Variants in RBBP8 observed in about 807,000 individuals in gnomAD.
The protein encoded by RBBP8 is DNA endonuclease RBBP8.
RBBP8 carries 88 observed loss-of-function variants against 108.3 expected under a neutral mutation model. The ratio of observed to expected loss-of-function variants is 0.81; its 90% confidence interval spans 0.68 to 0.97. RBBP8 has a LOEUF of 0.97. Ranked by LOEUF, RBBP8 falls within the 50% of genes least tolerant of loss-of-function variation. RBBP8 has a pLI of 0.00. For missense variants in RBBP8, 1,023 were observed against 1,049.0 expected, an observed-to-expected ratio of 0.98 and a Z score of 0.34; for synonymous variants, 332 against 348.2, an observed-to-expected ratio of 0.95 and a Z score of 0.52.
At chr18:22,961,295 G>C (rs773227667) in intron 4 of RBBP8, among the ~76,000 whole-genome samples, 1 of 152,214 alleles carries the variant, frequency 6.6e-6, no homozygotes, top group Non-Finnish European at 1.5e-5. Flanking sequence ...CCAAGCATGA[G>C]TGGAAGAGCT....
At chr18:22,970,945 T>G (rs1442615509) in intron 5 of RBBP8, among the ~76,000 whole-genome samples, 4 of 152,162 alleles carry the variant, frequency 2.6e-5, no homozygotes, top group Non-Finnish European at 5.9e-5. Flanking sequence ...ACACGTAAAT[T>G]TGCATATTTA....
rs1436188578 is a variant in RBBP8 at position 22,993,337 on chromosome 18, G to A, written c.1510G>A (p.Glu504Lys). The A allele has an allele frequency of 1.2e-6, 2 of 1,614,092 alleles. No homozygotes were observed. Among genetic ancestry groups the A allele is most frequent in the African/African-American group, 1.3e-5 (1 of 74,932 alleles). ...TCGATTTTCAGCTATTCAGCGTCAA[G>A]AGAAAAGCCAAGGAAGTGAGACTTC... ...SDRFSAIQRQ[E>K]KSQGSETSKN... Residue 504 changes from glutamate (E) to lysine (K), a missense_variant, in exon 11 of 19, where the codon GAG (glutamate) becomes AAG (lysine). By Grantham distance (56) the Glu-to-Lys change is moderately conservative. Coordinates refer to ENST00000327155, the MANE Select transcript of RBBP8 (RefSeq NM_002894.3).
intron 4 of RBBP8, among the ~76,000 whole-genome samples, chr18:22,954,352 A>G (rs1419016670): frequency 6.6e-6 from 1 of 152,228 alleles, no homozygotes; most frequent in Non-Finnish European, 1.5e-5. Context: ...CACCCATTCC[A>G]AATGGGAGAA....
chr18:23,007,777 A>G (rs1016213425), intron 16 of RBBP8, among the ~76,000 whole-genome samples: 6 of 150,708 alleles, frequency 4.0e-5, no homozygotes, highest in African/African-American at 1.5e-4. Context: ...GGATTTTTGA[A>G]TCTTTAAAAA....
intron 9 of RBBP8, among the ~76,000 whole-genome samples, chr18:22,989,584 C>T (rs769389663): frequency 6.7e-6 from 1 of 149,852 alleles, no homozygotes; most frequent in Non-Finnish European, 1.5e-5. Context: ...TCTTCCCTTC[C>T]CCCTCTCTCA....
In RBBP8 at chr18:22,968,917, T is replaced by C; in HGVS notation, c.360T>C (p.Leu120=). The C allele has an allele frequency of 6.3e-7, 1 of 1,599,172 alleles. No homozygotes were observed. The highest frequency in any genetic ancestry group is 8.6e-7 in the Non-Finnish European group (1 of 1,167,156). ...RQQNLKLITE[L]MNERNTLQEE... ...AGAATCTTAAACTTATTACAGAACT[T>C]AGTGAGTTTCCTTTCTTCATTTATT... The change falls in exon 5 of 19, where the codon CTT becomes CTC. Residue 120 remains leucine, a splice_region_variant and synonymous_variant. Transcript: ENST00000327155.
intron 4 of RBBP8, among the ~76,000 whole-genome samples, chr18:22,953,446 C>G (rs964405045): frequency 6.6e-6 from 1 of 152,166 alleles, no homozygotes; most frequent in African/African-American, 2.4e-5. Flanking sequence ...TACTGGATAA[C>G]ATTTTCATTA....
chr18:23,006,663 G>A (rs1598736751), intron 16 of RBBP8, among the ~76,000 whole-genome samples: 1 of 151,950 alleles, frequency 6.6e-6, no homozygotes, highest in South Asian at 2.1e-4. Flanking sequence ...TACCACACCT[G>A]GCTAACTTTT....
chr18:22,978,589 A>G (rs1223652206), intron 6 of RBBP8, among the ~76,000 whole-genome samples: 1 of 151,586 alleles, frequency 6.6e-6, no homozygotes, highest in Non-Finnish European at 1.5e-5. Context: ...CTCGTGACTC[A>G]TTCATGTTTC....
chr18:22,952,602 C>G (rs1185486393), intron 4 of RBBP8, among the ~76,000 whole-genome samples: 1 of 152,152 alleles, frequency 6.6e-6, no homozygotes, highest in Non-Finnish European at 1.5e-5. Context: ...GCACTCTAAT[C>G]TGTGTTATAT....
intron 2 of RBBP8, among the ~76,000 whole-genome samples, chr18:22,941,744 ATAACTT>A (rs1911101300): frequency 6.6e-6 from 1 of 152,042 alleles, no homozygotes; most frequent in African/African-American, 2.4e-5. Context: ...TATACTCTGA[ATAACTT>A]TAAGGGAGGA....
In RBBP8 at chr18:22,975,101, T is replaced by C; in HGVS notation, c.362-52T>C. The stretch of plus-strand genomic sequence containing the variant: ...ACATATTTTATTTGAAAGCCTAACA[T>C]AGATGTTAATATAAATATATTATTT... On this transcript the variant is annotated intron_variant, in intron 5 of 18. Coordinates refer to ENST00000327155, the MANE Select transcript of RBBP8 (RefSeq NM_002894.3). 2.6e-6 allele frequency: 4 copies of C among 1,531,890 alleles called. No individual in the cohort carries two copies. In the Admixed American group the frequency reaches 7.1e-5, roughly 27 times the overall value. The allele number at this position is 1,531,890 out of a possible 1,614,324, so 94.9% of individuals were successfully genotyped here. A position where few individuals can be genotyped will look rare whatever the true frequency, so the allele number is the denominator to read the frequency against.
intron 4 of RBBP8, among the ~76,000 whole-genome samples, chr18:22,966,597 A>G (rs1358807385): frequency 7.2e-5 from 10 of 137,948 alleles, no homozygotes; most frequent in African/African-American, 2.1e-4. Flanking sequence ...AAAAAAGTCT[A>G]TGTTCTTTTA....
intron 17 of RBBP8, among the ~76,000 whole-genome samples, chr18:23,020,866 C>G (rs769304312): frequency 2.0e-5 from 3 of 152,174 alleles, no homozygotes; most frequent in Admixed American, 6.5e-5. Context: ...GTCATCTCAT[C>G]TCATCCCAAA....
chr18:23,006,276 T>C, intron 15 of RBBP8, 87 bp from the exon 16 acceptor site: 1 of 1,169,344 alleles, frequency 8.6e-7, no homozygotes, highest in South Asian at 1.3e-5. Flanking sequence ...AATGGAAGTT[T>C]GAGTGCGTGT....
chr18:23,001,928 G>C (rs1386619319), intron 15 of RBBP8, among the ~76,000 whole-genome samples, 199 bp downstream of exon 15: 1 of 151,998 alleles, frequency 6.6e-6, no homozygotes, highest in East Asian at 1.9e-4. Flanking sequence ...GCATTCTCCT[G>C]TACCTTTGAC....
chr18:22,972,564 C>G (rs907990062), intron 5 of RBBP8, among the ~76,000 whole-genome samples: 2 of 151,760 alleles, frequency 1.3e-5, no homozygotes, highest in Non-Finnish European at 2.9e-5. Flanking sequence ...TAGGCACGTG[C>G]GACCACGCCC....
intron 4 of RBBP8, among the ~76,000 whole-genome samples, chr18:22,950,213 G>C (rs977773488): frequency 2.6e-5 from 4 of 152,076 alleles, no homozygotes; most frequent in African/African-American, 4.8e-5. Flanking sequence ...ATTAGAAAAG[G>C]CTTCCAGCAT....
At position 22,937,207 on chromosome 18, in the gene RBBP8, C is replaced by G. The variant is rs180964058; in HGVS notation, c.109+247C>G. On this transcript the variant is annotated intron_variant, in intron 2 of 18. Transcript: ENST00000327155. ...TCAATCCCCACCCTCTTCCCACCCC[C>G]CTGACCCTCCACCCTCATGTAGGTC... 7.9e-4 allele frequency: 451 copies of G among 574,394 alleles called. 1 individual carries two copies. The highest frequency in any genetic ancestry group is 7.4e-4 in the Admixed American group (22 of 29,646). 35.6% of individuals were successfully genotyped at this position (574,394 alleles called of 1,614,324 possible).
Sources: allele counts gnomAD v4.1 joint callset (sites outside exome capture counted in the v4.1 genomes callset), GRCh38; gene constraint gnomAD v4.1.1; transcripts MANE v1.5; gene names NCBI Gene and HGNC (gene_info 2026-07-23, HGNC 2026-07-21).